The following MSR1 variants were observed in gnomAD, a reference collection of about 807,000 sequenced individuals.
The protein encoded by MSR1 is macrophage scavenger receptor 1.
MSR1 carries 53 observed loss-of-function variants against 47.2 expected under a neutral mutation model. That is an observed-to-expected ratio of 1.12 (90% CI 0.90 to 1.41). MSR1 has a LOEUF of 1.41. Among genes scored for constraint, MSR1 ranks in the 40% most tolerant of loss-of-function variants. The pLI is 0.00. For synonymous variants in MSR1, 239 were observed against 185.6 expected (o/e 1.29, Z -2.34); for missense variants, 786 against 546.9 (o/e 1.44, Z -4.36).
At chr8:16,126,525 TAAG>T (rs1800132881) in intron 8 of MSR1, among the ~76,000 whole-genome samples, 1 of 152,184 alleles carries the variant, frequency 6.6e-6, no homozygotes, top group Admixed American at 6.5e-5. Context: ...AAAATTCCTT[TAAG>T]AAGATAACTG....
At chr8:16,173,157 C>T (rs922892588) in intron 3 of MSR1, among the ~76,000 whole-genome samples, 2 of 152,162 alleles carry the variant, frequency 1.3e-5, no homozygotes, top group Non-Finnish European at 1.5e-5. Flanking sequence ...ACTGTAGTTT[C>T]AGTAAACAAA....
chr8:16,151,435 A>G (rs1404773231), intron 6 of MSR1, among the ~76,000 whole-genome samples: 2 of 152,162 alleles, frequency 1.3e-5, no homozygotes, highest in East Asian at 3.9e-4. Context: ...AGCAGACTCT[A>G]TATGGCCTAT....
At chr8:16,121,666 CAT>C (rs1184973007) in intron 8 of MSR1, among the ~76,000 whole-genome samples, 1 of 151,490 alleles carries the variant, frequency 6.6e-6, no homozygotes, top group Non-Finnish European at 1.5e-5. Context: ...TTCTAATAAT[CAT>C]AAAAACTAAT....
At chr8:16,128,980 G>C (rs1293500503) in intron 8 of MSR1, among the ~76,000 whole-genome samples, 1 of 152,138 alleles carries the variant, frequency 6.6e-6, no homozygotes. Context: ...AATGTACTGG[G>C]TAACAGGATT....
At chr8:16,127,061 G>A (rs1800145392) in intron 8 of MSR1, among the ~76,000 whole-genome samples, 1 of 151,910 alleles carries the variant, frequency 6.6e-6, no homozygotes, top group Non-Finnish European at 1.5e-5. Context: ...CCTAATGATG[G>A]GGAATAGGTG....
At chr8:16,145,684 T>C (rs1461060256) in intron 7 of MSR1, among the ~76,000 whole-genome samples, 2 of 152,162 alleles carry the variant, frequency 1.3e-5, no homozygotes, top group African/African-American at 4.8e-5. Flanking sequence ...CTTTTAAAGA[T>C]GGTAAAATAA....
chr8:16,122,843 CTTTTTTTT>C (rs35560221), intron 8 of MSR1, among the ~76,000 whole-genome samples: 1 of 65,598 alleles, frequency 1.5e-5, no homozygotes. Context: ...TATTCAAATT[CTTTTTTTT>C]TTTTTTTTTT....
chr8:16,133,241 C>A (rs1049802695), intron 8 of MSR1, among the ~76,000 whole-genome samples: 2 of 152,090 alleles, frequency 1.3e-5, no homozygotes, highest in African/African-American at 2.4e-5. Flanking sequence ...TTAGTCCATT[C>A]CTAAAGACCT....
intron 6 of MSR1, among the ~76,000 whole-genome samples, chr8:16,152,347 T>A (rs1800883865): frequency 6.6e-6 from 1 of 152,092 alleles, no homozygotes; most frequent in African/African-American, 2.4e-5. Context: ...AGGGGCCTTC[T>A]TGGGGCCATA....
chr8:16,130,522 G>T (rs905526350), intron 8 of MSR1, among the ~76,000 whole-genome samples: 1 of 152,032 alleles, frequency 6.6e-6, no homozygotes, highest in African/African-American at 2.4e-5. Flanking sequence ...ACCTGTGAAG[G>T]TTGGTTATAT....
At chr8:16,180,500 CT>C (rs1801797272) in intron 1 of MSR1, among the ~76,000 whole-genome samples, 1 of 152,150 alleles carries the variant, frequency 6.6e-6, no homozygotes. Flanking sequence ...ATTATGACTT[CT>C]TTTGTTGGAC....
chr8:16,192,354 T>C (rs1375629289), intron 1 of MSR1, among the ~76,000 whole-genome samples: 1 of 152,204 alleles, frequency 6.6e-6, no homozygotes, highest in Non-Finnish European at 1.5e-5. Context: ...ATTTCATATG[T>C]ACTTGTGAAC....
intron 9 of MSR1, among the ~76,000 whole-genome samples, chr8:16,110,550 G>C (rs34612904): frequency 0.091 from 13,817 of 152,046 alleles, 834 homozygotes; most frequent in African/African-American, 0.16. Flanking sequence ...AAGAAAGTTT[G>C]AGCCTTAATA....
intron 8 of MSR1, among the ~76,000 whole-genome samples, chr8:16,137,642 T>C (rs1021026353): frequency 2.6e-5 from 4 of 152,074 alleles, no homozygotes; most frequent in Non-Finnish European, 4.4e-5. Context: ...ATTCTAGAAA[T>C]TGGGATAATA....
At chr8:16,157,173 G>A (rs905957669) in intron 5 of MSR1, among the ~76,000 whole-genome samples, 1 of 151,904 alleles carries the variant, frequency 6.6e-6, no homozygotes, top group Non-Finnish European at 1.5e-5. Flanking sequence ...GAAACAAGAA[G>A]AAACAAGGGA....
At chr8:16,143,794 C>G (rs1800626264) in intron 7 of MSR1, among the ~76,000 whole-genome samples, 183 bp from the exon 8 acceptor site, 1 of 152,016 alleles carries the variant, frequency 6.6e-6, no homozygotes, top group Non-Finnish European at 1.5e-5. Context: ...CCATTCTGAA[C>G]TCAATATTGT....
At chr8:16,189,049 T>C (rs1006682153) in intron 1 of MSR1, among the ~76,000 whole-genome samples, 8 of 146,740 alleles carry the variant, frequency 5.5e-5, no homozygotes, top group African/African-American at 7.4e-5. Flanking sequence ...GACTTGCTTA[T>C]ATATATAAAA....
At chr8:16,126,339 G>C (rs1385289) in intron 8 of MSR1, among the ~76,000 whole-genome samples, 7,573 of 152,030 alleles carry the variant, frequency 0.05, 639 homozygotes, top group African/African-American at 0.17. Context: ...GAGCATAACA[G>C]TTATTATCCT....
intron 1 of MSR1, among the ~76,000 whole-genome samples, chr8:16,179,228 T>G (rs1801752113): frequency 6.6e-6 from 1 of 152,184 alleles, no homozygotes; most frequent in South Asian, 2.1e-4. Flanking sequence ...AAGAAATGTC[T>G]GGATCTGAAT....
Sources: gnomAD v4.1 joint callset for allele counts (sites outside exome capture counted in the v4.1 genomes callset) on GRCh38, gnomAD v4.1.1 for gene constraint, MANE v1.5 for transcripts, NCBI Gene and HGNC (gene_info 2026-07-23, HGNC 2026-07-21) for gene names.